The following DNAH11 variants were observed in gnomAD, a reference collection of about 807,000 sequenced individuals.
The protein encoded by DNAH11 is axonemal beta dynein heavy chain 11.
A neutral mutation model predicts 526.0 loss-of-function variants in DNAH11; 442 were observed. The ratio of observed to expected loss-of-function variants is 0.84; its 90% CI spans 0.78 to 0.91. The LOEUF (loss-of-function observed/expected upper bound fraction) is 0.91, where lower values mean the gene tolerates loss of function less well. Ranked by LOEUF, DNAH11 falls within the 40% of genes least tolerant of loss-of-function variation. The probability of loss-of-function intolerance (pLI) is 0.00; values close to 1 mark genes in which losing one functional copy is unlikely to be tolerated. For missense variants in DNAH11, 6,989 were observed against 5,448.7 expected, an observed-to-expected ratio of 1.28 and a Z score of -8.90; for synonymous variants, 2,461 against 1,935.9, an observed-to-expected ratio of 1.27 and a Z score of -7.12.
chr7:21,800,029 T>C (rs898597848), intron 61 of DNAH11, among the ~76,000 whole-genome samples: 1 of 152,104 alleles, frequency 6.6e-6, no homozygotes, highest in Non-Finnish European at 1.5e-5. Flanking sequence ...CAAAATACCT[T>C]AGTCAAAAAA....
intron 30 of DNAH11, among the ~76,000 whole-genome samples, chr7:21,664,255 T>C (rs1782342865): frequency 6.6e-6 from 1 of 152,018 alleles, no homozygotes; most frequent in Non-Finnish European, 1.5e-5. Flanking sequence ...CTTGGATTGT[T>C]CTACTAGCTC....
intron 30 of DNAH11, among the ~76,000 whole-genome samples, chr7:21,663,151 G>T (rs539916385): frequency 2.0e-5 from 3 of 152,024 alleles, no homozygotes. Context: ...CAAAAGACAT[G>T]ATTTTATTCT....
In DNAH11 at chr7:21,786,729, G is replaced by C. The variant is rs779203705; in HGVS notation, c.9703G>C (p.Asp3235His). The change falls in exon 59 of 82, where the codon GAC becomes CAC. Residue 3235 changes from aspartate to histidine, a missense_variant. Transcript: ENST00000409508. ...GGCTCCTCGGGGAAGAGTGCCCAAA[G>C]ACCGAAGTTGGAAAGCAGCTAAAGT... ...LLAPRGRVPK[D>H]RSWKAAKVFM... is the part of the protein sequence containing the mutation. 1 of 1,613,860 alleles carries C rather than the reference G, an allele frequency of 6.2e-7. No homozygotes were observed. The highest frequency in any genetic ancestry group is 8.5e-7 in the Non-Finnish European group (1 of 1,179,766).
In DNAH11 at chr7:21,744,424, T is replaced by C. The variant is rs772631712; in HGVS notation, c.8155-14T>C. ...CTCTGAATTAAAGGTATTTTCCCCA[T>C]TCTTGCCTTGTAGGGGATTTTATTT... On this transcript the variant is annotated splice_polypyrimidine_tract_variant and intron_variant, in intron 49 of 81. Transcript: ENST00000409508. 1.7e-5 allele frequency: 27 copies of C among 1,611,994 alleles called. 1 individual carries two copies. In the South Asian group the frequency reaches 2.7e-4, roughly 16 times the overall value.
intron 20 of DNAH11, among the ~76,000 whole-genome samples, chr7:21,614,223 A>C (rs981132687): frequency 2.0e-5 from 3 of 152,214 alleles, no homozygotes; most frequent in Non-Finnish European, 4.4e-5. Context: ...CAATTGTTGG[A>C]TCTTGGGAGG....
intron 65 of DNAH11, among the ~76,000 whole-genome samples, chr7:21,818,897 C>T (rs1168619648): frequency 6.6e-6 from 1 of 152,094 alleles, no homozygotes; most frequent in Non-Finnish European, 1.5e-5. Context: ...TCCCCCTACC[C>T]CTCCAGGAGC....
chr7:21,833,453 G>A (rs1195553658), intron 65 of DNAH11, among the ~76,000 whole-genome samples: 1 of 152,160 alleles, frequency 6.6e-6, no homozygotes, highest in Non-Finnish European at 1.5e-5. Flanking sequence ...AGCACTTTGG[G>A]AAGCCAAAGT....
rs6970367 is a variant in DNAH11, at chr7:21,637,360, G to T, written c.4726-251G>T. Among the ~76,000 whole-genome samples the T allele has an allele frequency of 0.056, 8,451 of 151,918 alleles. 606 individuals carry two copies. The highest frequency in any genetic ancestry group is 0.17 in the African/African-American group (7,074 of 41,364). Reference sequence around the variant, plus strand: ...GTTTGATTTAGAAGAGAAAAATTCTGTGTGGGCCTAAAGTGGTGACAGTGC... The same window carrying T: ...GTTTGATTTAGAAGAGAAAAATTCTTTGTGGGCCTAAAGTGGTGACAGTGC... On this transcript the variant is annotated intron_variant, in intron 26 of 81. Transcript: ENST00000409508.
intron 61 of DNAH11, among the ~76,000 whole-genome samples, chr7:21,797,367 G>C (rs532537030): frequency 6.7e-6 from 1 of 148,712 alleles, no homozygotes; most frequent in Non-Finnish European, 1.5e-5. Flanking sequence ...TTACAGGCCT[G>C]CGCCACCATG....
In DNAH11 at chr7:21,869,307, AT is replaced by A. The variant is rs1243677451; in HGVS notation, c.11967+318del. On this transcript the variant is annotated intron_variant, in intron 73 of 81. Transcript: ENST00000409508. ...CCTGAGAACACGCAGGCTTGTTTAG[AT>A]TGCTAACAGTGTTATCATAGTATCT... Among the ~76,000 whole-genome samples, 5 of 152,276 alleles carry A rather than the reference AT, an allele frequency of 3.3e-5. No homozygotes were observed. The East Asian group carries it at 9.7e-4, about 29-fold the overall frequency.
intron 2 of DNAH11, among the ~76,000 whole-genome samples, chr7:21,545,746 A>G (rs1782783449): frequency 6.6e-6 from 1 of 152,182 alleles, no homozygotes; most frequent in Admixed American, 6.5e-5. Context: ...ATTTTGTGAA[A>G]GAGGTTGGTT....
chr7:21,813,254 C>T (rs74505458), intron 63 of DNAH11, among the ~76,000 whole-genome samples: 2,726 of 152,288 alleles, frequency 0.018, 69 homozygotes, highest in African/African-American at 0.057. Context: ...TTGCACTCCA[C>T]TCATTGCTTT....
intron 8 of DNAH11, 22 bp from the exon 9 acceptor site, chr7:21,581,883 T>C (rs1784321430): frequency 6.9e-7 from 1 of 1,452,440 alleles, no homozygotes; most frequent in Non-Finnish European, 9.7e-7. Flanking sequence ...AATATACTAA[T>C]ATTTCACTTT....
rs374949958 is a variant in DNAH11 at position 21,564,380 on chromosome 7, A to C, written c.1177A>C (p.Asn393His). 2 of 1,612,362 alleles carry C rather than the reference A, an allele frequency of 1.2e-6. No individual in the cohort carries two copies. The highest frequency in any genetic ancestry group is 1.7e-6 in the Non-Finnish European group (2 of 1,179,330). ...RVIVLLQEFC[N>H]LFINQATAYL... is the part of the protein sequence containing the mutation. ...TATAGTTTTATTGCAAGAGTTTTGTAATCTCTTCATTAACCAGGTATGAAG... is the reference window on the plus strand; with the variant it reads ...TATAGTTTTATTGCAAGAGTTTTGTCATCTCTTCATTAACCAGGTATGAAG... Residue 393 changes from asparagine (N) to histidine (H), a missense_variant, in exon 6 of 82, where the codon AAT becomes CAT. Asn to His is a moderately conservative substitution (Grantham distance 68). Transcript: ENST00000409508.
At chr7:21,780,022 T>A (rs1036006219) in intron 57 of DNAH11, among the ~76,000 whole-genome samples, 9 of 67,406 alleles carry the variant, frequency 1.3e-4, no homozygotes, top group Non-Finnish European at 1.4e-4. Flanking sequence ...TTGAGTTGAT[T>A]TTCTTTTTTT....
chr7:21,826,229 C>T (rs986456674), intron 65 of DNAH11, among the ~76,000 whole-genome samples: 23 of 151,910 alleles, frequency 1.5e-4, no homozygotes, highest in African/African-American at 5.3e-4. Flanking sequence ...ATTATTTTTG[C>T]CTGATAAGAA....
chr7:21,847,031 T>C (rs574218899), intron 66 of DNAH11, among the ~76,000 whole-genome samples: 1 of 152,316 alleles, frequency 6.6e-6, no homozygotes, highest in South Asian at 2.1e-4. Context: ...GGAATTGGTA[T>C]TTATGCCCCT....
chr7:21,866,768 G>A (rs1225651984), intron 71 of DNAH11, 105 bp downstream of exon 71: 4 of 1,225,612 alleles, frequency 3.3e-6, no homozygotes, highest in South Asian at 1.8e-5. Flanking sequence ...CCATTTTGAT[G>A]GGGAGTGATT....
chr7:21,896,456 A>C (rs1468881370), intron 79 of DNAH11, among the ~76,000 whole-genome samples: 1 of 152,178 alleles, frequency 6.6e-6, no homozygotes, highest in Non-Finnish European at 1.5e-5. Flanking sequence ...CTGGTCTTAA[A>C]TATTTGCCAT....
Sources: gnomAD v4.1 joint callset for allele counts (sites outside exome capture counted in the v4.1 genomes callset) on GRCh38, gnomAD v4.1.1 for gene constraint, MANE v1.5 for transcripts, NCBI Gene and HGNC (gene_info 2026-07-23, HGNC 2026-07-21) for gene names.